N4BP2L2: variants seen among roughly 807,000 people sequenced by gnomAD.
N4BP2L2 encodes the protein NEDD4 binding protein 2 like 2.
In N4BP2L2, 50 loss-of-function variants were observed where a neutral mutation model predicts 56.2. That is an observed-to-expected ratio of 0.89 (90% CI 0.71 to 1.13). The LOEUF (loss-of-function observed/expected upper bound fraction) is 1.13, where lower values mean the gene tolerates loss of function less well. Among genes scored for constraint, N4BP2L2 ranks in the 50% most tolerant of loss-of-function variants. The probability of loss-of-function intolerance (pLI) is 0.00; values close to 1 mark genes in which losing one functional copy is unlikely to be tolerated. For synonymous variants in N4BP2L2, 203 were observed against 223.6 expected (o/e 0.91, Z 0.82); for missense variants, 689 against 693.8 (o/e 0.99, Z 0.08).
chr13:32,495,070 C>T (rs930719736), intron 6 of N4BP2L2, among the ~76,000 whole-genome samples: 2 of 147,414 alleles, frequency 1.4e-5, no homozygotes, highest in Non-Finnish European at 3.0e-5. Context: ...CCAGCGAATA[C>T]AATCTCTCTG....
intron 6 of N4BP2L2, among the ~76,000 whole-genome samples, chr13:32,471,814 C>G (rs1017244213): frequency 6.6e-6 from 1 of 152,246 alleles, no homozygotes; most frequent in Non-Finnish European, 1.5e-5. Flanking sequence ...CTGCCTACAG[C>G]CCCTTGAGTG....
At chr13:32,444,201 C>A in intron 6 of N4BP2L2, 1 of 1,134,814 alleles carries the variant, frequency 8.8e-7, no homozygotes, top group Non-Finnish European at 1.2e-6. Context: ...ACATCATACT[C>A]TTCATGTGCA....
At chr13:32,503,656 T>C (rs1273738062) in intron 6 of N4BP2L2, among the ~76,000 whole-genome samples, 2 of 152,246 alleles carry the variant, frequency 1.3e-5, no homozygotes, top group South Asian at 4.1e-4. Flanking sequence ...AAACAAGTTA[T>C]TTCCATCATT....
chr13:32,482,479 A>G (rs2139168709), intron 6 of N4BP2L2, among the ~76,000 whole-genome samples: 1 of 151,812 alleles, frequency 6.6e-6, no homozygotes, highest in African/African-American at 2.4e-5. Flanking sequence ...CTCCCACTTC[A>G]GCCTCCTAAG....
intron 6 of N4BP2L2, among the ~76,000 whole-genome samples, chr13:32,488,444 C>T (rs1294787379): frequency 6.6e-6 from 1 of 152,158 alleles, no homozygotes; most frequent in Non-Finnish European, 1.5e-5. Flanking sequence ...GAATACAATG[C>T]TTACGACCTA....
intron 6 of N4BP2L2, among the ~76,000 whole-genome samples, chr13:32,485,689 C>T (rs1280894918): frequency 3.3e-5 from 5 of 152,178 alleles, no homozygotes; most frequent in African/African-American, 1.2e-4. Context: ...ATAAAAACCA[C>T]ATCATCATCT....
intron 4 of N4BP2L2, 33 bp downstream of exon 4, chr13:32,522,149 A>T (rs756290136): frequency 7.2e-7 from 1 of 1,389,148 alleles, no homozygotes; most frequent in Non-Finnish European, 9.9e-7. Context: ...GACAAGAATA[A>T]AAAATAAAAA....
At chr13:32,495,463 T>C (rs1200025604) in intron 6 of N4BP2L2, among the ~76,000 whole-genome samples, 2 of 152,290 alleles carry the variant, frequency 1.3e-5, no homozygotes, top group Non-Finnish European at 2.9e-5. Flanking sequence ...GACAATGCCT[T>C]TGGATTCTTC....
chr13:32,490,901 G>C lies in N4BP2L2; in HGVS notation c.365+26956C>G, dbSNP rs1486839613. On this transcript the variant is annotated intron_variant, in intron 6 of 9. Coordinates refer to the N4BP2L2 transcript ENST00000357505. ...CCAGTTCCCAACAGGTCAGGTCCAAGTTCCAGGGGTTAGGGATCCCTGACT... is the reference window on the plus strand; with the variant it reads ...CCAGTTCCCAACAGGTCAGGTCCAACTTCCAGGGGTTAGGGATCCCTGACT... Among the ~76,000 whole-genome samples the C allele has an allele frequency of 3.3e-5, 5 of 151,832 alleles. No homozygotes were observed. In the East Asian group the frequency reaches 9.7e-4, roughly 29 times the overall value.
chr13:32,493,386 A>AAAC (rs903690390), intron 6 of N4BP2L2, among the ~76,000 whole-genome samples: 4 of 152,200 alleles, frequency 2.6e-5, no homozygotes, highest in Non-Finnish European at 5.9e-5. Flanking sequence ...ATAAAAATAA[A>AAAC]AACAACAACA....
intron 2 of N4BP2L2, 73 bp from the exon 3 acceptor site, chr13:32,527,605 A>C: frequency 6.7e-7 from 1 of 1,502,680 alleles, no homozygotes; most frequent in Non-Finnish European, 9.0e-7. Flanking sequence ...ATCAGAAATA[A>C]ATATAACCAA....
At chr13:32,468,319 T>C (rs1168869989) in intron 6 of N4BP2L2, among the ~76,000 whole-genome samples, 1 of 150,636 alleles carries the variant, frequency 6.6e-6, no homozygotes, top group Non-Finnish European at 1.5e-5. Context: ...AAGAGGAATA[T>C]TTTATAAGTT....
chr13:32,491,442 G>A (rs2087029808), intron 6 of N4BP2L2, among the ~76,000 whole-genome samples: 1 of 150,554 alleles, frequency 6.6e-6, no homozygotes, highest in Non-Finnish European at 1.5e-5. Flanking sequence ...CCTTTTGATG[G>A]GCTGGTCACA....
At chr13:32,472,074 T>C (rs1052271117) in intron 6 of N4BP2L2, among the ~76,000 whole-genome samples, 1 of 152,056 alleles carries the variant, frequency 6.6e-6, no homozygotes, top group Non-Finnish European at 1.5e-5. Flanking sequence ...AGGAAAACAA[T>C]CAGATAAATC....
intron 6 of N4BP2L2, among the ~76,000 whole-genome samples, chr13:32,484,316 G>A (rs2085413762): frequency 6.6e-6 from 1 of 152,030 alleles, no homozygotes; most frequent in African/African-American, 2.4e-5. Context: ...GACAGAGAAA[G>A]ACCCTGACTC....
At chr13:32,462,317 A>T (rs2080263036) in intron 6 of N4BP2L2, among the ~76,000 whole-genome samples, 1 of 152,240 alleles carries the variant, frequency 6.6e-6, no homozygotes, top group African/African-American at 2.4e-5. Flanking sequence ...ACTGGAGGTC[A>T]TGTTAAGTGA....
At chr13:32,514,201 T>A (rs2048712303) in exon 6 of N4BP2L2, 1 of 152,060 alleles carries the variant, frequency 6.6e-6, no homozygotes, top group Non-Finnish European at 1.5e-5. Context: ...ACATTATCTT[T>A]TACAAAGATA....
intron 2 of N4BP2L2, among the ~76,000 whole-genome samples, chr13:32,533,310 T>C (rs2055513595): frequency 6.6e-6 from 1 of 151,834 alleles, no homozygotes; most frequent in Non-Finnish European, 1.5e-5. Flanking sequence ...GCCAAAACTA[T>C]GGCCAAGGCT....
At chr13:32,467,124 C>G (rs1593610697) in intron 6 of N4BP2L2, among the ~76,000 whole-genome samples, 1 of 152,084 alleles carries the variant, frequency 6.6e-6, no homozygotes, top group Non-Finnish European at 1.5e-5. Flanking sequence ...TAAGAATTAA[C>G]AATTTCATAT....
Sources: allele counts gnomAD v4.1 joint callset (sites outside exome capture counted in the v4.1 genomes callset), GRCh38; gene constraint gnomAD v4.1.1; transcripts MANE v1.5; gene names NCBI Gene and HGNC (gene_info 2026-07-23, HGNC 2026-07-21).